The following DNER variants were observed in gnomAD, a reference collection of about 807,000 sequenced individuals.
DNER encodes delta and Notch-like epidermal growth factor-related receptor.
Under a neutral mutation model 78.2 loss-of-function variants are expected in DNER, and 33 were observed. That is an observed-to-expected ratio of 0.42 (90% confidence interval 0.32 to 0.56). The LOEUF is 0.56. DNER is among the 20% of genes least tolerant of loss of function. The pLI is 0.11. For synonymous variants in DNER, 417 were observed against 384.8 expected (o/e 1.08, Z -0.98); for missense variants, 918 against 975.3 (o/e 0.94, Z 0.78).
chr2:229,381,646 TAA>T (rs987526207), intron 11 of DNER, among the ~76,000 whole-genome samples: 2 of 152,108 alleles, frequency 1.3e-5, no homozygotes, highest in African/African-American at 4.8e-5. Context: ...CCTCACAGTG[TAA>T]ACAAAGCCGC....
intron 4 of DNER, among the ~76,000 whole-genome samples, chr2:229,577,671 GC>G (rs1213048156): frequency 6.6e-6 from 1 of 152,076 alleles, no homozygotes; most frequent in African/African-American, 2.4e-5. Context: ...AAGCAGATAT[GC>G]CCTGCCTGAG....
chr2:229,403,250 C>A (rs1018495951), intron 10 of DNER, among the ~76,000 whole-genome samples: 1 of 152,170 alleles, frequency 6.6e-6, no homozygotes, highest in Non-Finnish European at 1.5e-5. Flanking sequence ...AGAGCAGAAG[C>A]ACCATACTCC....
At chr2:229,449,130 A>C (rs1315661314) in intron 7 of DNER, among the ~76,000 whole-genome samples, 4 of 152,214 alleles carry the variant, frequency 2.6e-5, no homozygotes, top group Non-Finnish European at 5.9e-5. Flanking sequence ...ATCCTACTAA[A>C]AATGTACCAT....
chr2:229,437,900 T>C (rs1694157477), intron 8 of DNER, among the ~76,000 whole-genome samples: 2 of 152,134 alleles, frequency 1.3e-5, no homozygotes, highest in Admixed American at 1.3e-4. Flanking sequence ...AAATTGCTAG[T>C]AGGCATTGGG....
chr2:229,609,200 G>A (rs6745738), intron 1 of DNER, among the ~76,000 whole-genome samples: 6,659 of 152,186 alleles, frequency 0.044, 439 homozygotes, highest in African/African-American at 0.14. Flanking sequence ...TCCAGCTTGG[G>A]CAACAAGAGT....
intron 11 of DNER, among the ~76,000 whole-genome samples, chr2:229,369,956 T>G (rs1692444394): frequency 6.6e-6 from 1 of 152,098 alleles, no homozygotes; most frequent in Non-Finnish European, 1.5e-5. Flanking sequence ...ATTTTCATGG[T>G]AGAATTCCAA....
At chr2:229,692,537 T>C (rs999658933) in intron 1 of DNER, among the ~76,000 whole-genome samples, 1 of 152,236 alleles carries the variant, frequency 6.6e-6, no homozygotes, top group African/African-American at 2.4e-5. Context: ...ATTTTATCTT[T>C]AGAGATTTTC....
intron 1 of DNER, among the ~76,000 whole-genome samples, chr2:229,636,142 GT>G (rs1698528067): frequency 6.6e-6 from 1 of 152,164 alleles, no homozygotes; most frequent in South Asian, 2.1e-4. Flanking sequence ...GGTGCAAACC[GT>G]TTGTACCAGC....
chr2:229,466,993 GA>G (rs912324912), intron 7 of DNER, among the ~76,000 whole-genome samples: 2 of 151,912 alleles, frequency 1.3e-5, no homozygotes, highest in African/African-American at 4.8e-5. Context: ...GGTCATCAGG[GA>G]AAAAAAATCA....
intron 7 of DNER, among the ~76,000 whole-genome samples, chr2:229,464,762 T>C (rs1051975611): frequency 2.6e-5 from 4 of 151,950 alleles, no homozygotes; most frequent in African/African-American, 9.7e-5. Context: ...GTGGGGGCTG[T>C]GTAAGATAGT....
chr2:229,561,769 C>A (rs76420251), intron 4 of DNER, among the ~76,000 whole-genome samples: 1 of 152,068 alleles, frequency 6.6e-6, no homozygotes, highest in Non-Finnish European at 1.5e-5. Context: ...ATTTGAACTG[C>A]GGGAATAACT....
At chr2:229,386,168 A>T (rs983150318) in intron 11 of DNER, among the ~76,000 whole-genome samples, 1 of 152,230 alleles carries the variant, frequency 6.6e-6, no homozygotes, top group Non-Finnish European at 1.5e-5. Flanking sequence ...ATGATGCCAC[A>T]TATCTACAAC....
intron 1 of DNER, among the ~76,000 whole-genome samples, chr2:229,679,323 T>G (rs915421211): frequency 6.6e-6 from 1 of 152,238 alleles, no homozygotes; most frequent in Non-Finnish European, 1.5e-5. Flanking sequence ...AAAAGGTATG[T>G]AAGGAAAGAA....
chr2:229,389,897 T>C (rs1397029287), intron 10 of DNER, among the ~76,000 whole-genome samples: 4 of 152,230 alleles, frequency 2.6e-5, no homozygotes, highest in African/African-American at 9.6e-5. Context: ...CTGCAACAAA[T>C]ATTGTCACTT....
intron 1 of DNER, among the ~76,000 whole-genome samples, chr2:229,604,236 T>C (rs1697889635): frequency 6.6e-6 from 1 of 152,214 alleles, no homozygotes; most frequent in Non-Finnish European, 1.5e-5. Flanking sequence ...TCTTTATTTT[T>C]AAATAGGACA....
rs76439342 is a variant in DNER at position 229,644,504 on chromosome 2, G to A, written c.277-52616C>T. On this transcript the variant is annotated intron_variant, in intron 1 of 12. Coordinates refer to ENST00000341772, the MANE Select transcript of DNER (RefSeq NM_139072.4). ...CTACGCGGAAGGCACCTACCACCACGCCAAGCTAATTTTCATATTTTTAGT... is the reference window on the plus strand; with the variant it reads ...CTACGCGGAAGGCACCTACCACCACACCAAGCTAATTTTCATATTTTTAGT... Among the ~76,000 whole-genome samples, 310 of 151,980 alleles carry A rather than the reference G, an allele frequency of 2.0e-3. 2 individuals are homozygous for A. Among genetic ancestry groups the A allele is most frequent in the African/African-American group, 6.9e-3 (287 of 41,472 alleles).
intron 4 of DNER, among the ~76,000 whole-genome samples, chr2:229,570,208 T>C (rs1268079528): frequency 6.6e-6 from 1 of 152,242 alleles, no homozygotes; most frequent in Non-Finnish European, 1.5e-5. Flanking sequence ...ATTTATTGCA[T>C]ACCTACTATG....
intron 7 of DNER, among the ~76,000 whole-genome samples, chr2:229,456,606 A>G (rs1172565388): frequency 6.6e-6 from 1 of 152,066 alleles, no homozygotes; most frequent in Non-Finnish European, 1.5e-5. Context: ...CCTCTTCTGC[A>G]GCTACATGTA....
intron 1 of DNER, among the ~76,000 whole-genome samples, chr2:229,678,161 C>T (rs945921730): frequency 6.6e-6 from 1 of 152,204 alleles, no homozygotes; most frequent in Non-Finnish European, 1.5e-5. Flanking sequence ...CAAGTTGAAG[C>T]ACGTGTCTTC....
Sources: allele counts gnomAD v4.1 joint callset (sites outside exome capture counted in the v4.1 genomes callset), GRCh38; gene constraint gnomAD v4.1.1; transcripts MANE v1.5; gene names NCBI Gene and HGNC (gene_info 2026-07-23, HGNC 2026-07-21).